Variants in JADE3 observed in about 807,000 individuals in gnomAD.
JADE3 encodes protein Jade-3.
In JADE3, 2 loss-of-function variants were observed where a neutral mutation model predicts 50.1. The observed-to-expected ratio is 0.04, with a 90% CI of 0.02 to 0.13. The LOEUF is 0.13. JADE3 is among the 10% of genes least tolerant of loss of function. The pLI, the probability that JADE3 is intolerant of heterozygous loss-of-function variation, is 1.00. For synonymous variants in JADE3, 218 were observed against 232.9 expected (o/e 0.94, Z 0.58); for missense variants, 475 against 634.4 (o/e 0.75, Z 2.70).
At chrX:46,986,132 C>G (rs73630248) in intron 3 of JADE3, among the ~76,000 whole-genome samples, 6,635 of 111,335 alleles carry the variant, frequency 0.06, 474 homozygotes, top group African/African-American at 0.2. Flanking sequence ...TACCAGCTGC[C>G]CAGTCTTGAA....
chrX:46,994,940 C>T (rs1307691014), intron 3 of JADE3, among the ~76,000 whole-genome samples: 3 of 111,282 alleles, frequency 2.7e-5, no homozygotes, highest in African/African-American at 9.8e-5. Context: ...TAAGTTGAGA[C>T]GCAGAATTTG....
intron 6 of JADE3, among the ~76,000 whole-genome samples, chrX:47,030,281 A>G (rs1366012242): frequency 2.7e-5 from 3 of 111,606 alleles, no homozygotes; most frequent in African/African-American, 9.8e-5. Flanking sequence ...CAAATGTAGC[A>G]TAATTATCTC....
intron 4 of JADE3, among the ~76,000 whole-genome samples, chrX:47,003,358 G>A (rs1201706308): frequency 9.1e-6 from 1 of 109,527 alleles, no homozygotes; most frequent in Non-Finnish European, 1.9e-5. Context: ...CCTTATTTAA[G>A]CTTAATTACC....
chrX:46,968,643 A>C (rs1164382372), intron 1 of JADE3, among the ~76,000 whole-genome samples: 1 of 111,735 alleles, frequency 8.9e-6, no homozygotes, highest in Non-Finnish European at 1.9e-5. Flanking sequence ...TGGAGTGGCT[A>C]TACTAATATC....
chrX:47,030,411 A>G (rs1343015470), intron 6 of JADE3, among the ~76,000 whole-genome samples: 1 of 111,966 alleles, frequency 8.9e-6, no homozygotes, highest in Non-Finnish European at 1.9e-5. Flanking sequence ...GTAAACTGGT[A>G]TGTATTAAAG....
intron 8 of JADE3, among the ~76,000 whole-genome samples, chrX:47,049,786 G>T (rs1461625262): frequency 1.1e-5 from 1 of 90,734 alleles, no homozygotes; most frequent in African/African-American, 4.1e-5. Flanking sequence ...TTTTGAGAGG[G>T]AGTCTCGCCC....
chrX:46,924,216 T>C (rs1257375158), intron 1 of JADE3, among the ~76,000 whole-genome samples: 1 of 111,931 alleles, frequency 8.9e-6, no homozygotes, highest in Non-Finnish European at 1.9e-5. Flanking sequence ...ATCTTCCCTG[T>C]GAGAGCCTGG....
At chrX:46,956,602 G>A (rs1008354044) in intron 1 of JADE3, among the ~76,000 whole-genome samples, 1 of 105,173 alleles carries the variant, frequency 9.5e-6, no homozygotes, top group African/African-American at 3.5e-5. Flanking sequence ...TCATGGCTCA[G>A]TGCAGCCTCG....
At position 46,965,694 on chromosome X, in the gene JADE3, A is replaced by T. The variant is rs1456128252; in HGVS notation, c.-11-19190A>T. On this transcript the variant is annotated intron_variant, in intron 1 of 10. Coordinates refer to ENST00000614628, the MANE Select transcript of JADE3 (RefSeq NM_014735.5). ...GAAGCAAGAAGAGGGTCCTCCTGGG[A>T]GAAGGGATGGTATAAAGCCTAGAGG... Among the ~76,000 whole-genome samples the T allele has an allele frequency of 3.6e-5, 4 of 111,665 alleles. No individual in the cohort carries two copies. The East Asian group carries it at 1.1e-3, about 31-fold the overall frequency.
intron 1 of JADE3, among the ~76,000 whole-genome samples, chrX:46,977,760 A>T (rs1368308029): frequency 1.8e-5 from 2 of 111,677 alleles, no homozygotes; most frequent in Non-Finnish European, 3.8e-5. Flanking sequence ...AGGAAGGAGC[A>T]GCCAGTTAGG....
intron 1 of JADE3, among the ~76,000 whole-genome samples, chrX:46,917,894 T>TCATC (rs1466273427): frequency 2.9e-5 from 3 of 103,634 alleles, no homozygotes; most frequent in Non-Finnish European, 5.9e-5. Flanking sequence ...TCATCCTCTC[T>TCATC]CTCTCTCATC....
chrX:47,049,674 G>A, intron 8 of JADE3, among the ~76,000 whole-genome samples: 1 of 104,763 alleles, frequency 9.5e-6, no homozygotes, highest in Non-Finnish European at 1.9e-5. Flanking sequence ...TTGAACTCCT[G>A]GACTGTAACA....
At chrX:47,025,444 A>G (rs1556365332) in intron 5 of JADE3, among the ~76,000 whole-genome samples, 1 of 112,463 alleles carries the variant, frequency 8.9e-6, no homozygotes. Flanking sequence ...TTGCAGGCCT[A>G]GAGCAAAACA....
intron 1 of JADE3, among the ~76,000 whole-genome samples, chrX:46,957,194 C>T (rs1225983879): frequency 9.7e-6 from 1 of 102,601 alleles, no homozygotes; most frequent in African/African-American, 3.6e-5. Flanking sequence ...ATCCTCCTCC[C>T]TCCTCAGTTT....
chrX:47,030,932 C>G lies in JADE3; in HGVS notation c.688-2689C>G, dbSNP rs1929005278. Among the ~76,000 whole-genome samples the G allele has an allele frequency of 2.7e-5, 3 of 109,906 alleles. No homozygotes were observed. In the Admixed American group the frequency reaches 2.9e-4, roughly 11 times the overall value. ...GGGTGTGGTGGCATGCACCTGTAGT[C>G]CCAGCTGCTCGGGAGGCTGAGGCAG... On this transcript the variant is annotated intron_variant, in intron 6 of 10. Coordinates refer to ENST00000614628, the MANE Select transcript of JADE3 (RefSeq NM_014735.5).
intron 4 of JADE3, among the ~76,000 whole-genome samples, chrX:47,001,616 G>A (rs1466182614): frequency 9.0e-6 from 1 of 111,373 alleles, no homozygotes; most frequent in Non-Finnish European, 1.9e-5. Context: ...CATTTTGCAT[G>A]GGTCAAACTA....
At chrX:46,948,353 A>G (rs1289766266) in intron 1 of JADE3, among the ~76,000 whole-genome samples, 3 of 112,388 alleles carry the variant, frequency 2.7e-5, no homozygotes, top group Non-Finnish European at 5.6e-5. Context: ...CCTTCTATTT[A>G]AAGGATGGTT....
chrX:46,990,171 T>C (rs1184624462), intron 3 of JADE3, among the ~76,000 whole-genome samples: 1 of 112,177 alleles, frequency 8.9e-6, no homozygotes, highest in Admixed American at 9.5e-5. Flanking sequence ...TTCTAACATC[T>C]GTGGATCTCA....
rs782770073 is a variant in JADE3 at position 47,058,559 on chromosome X, A to G, written c.1954A>G (p.Ile652Val). Residue 652 changes from isoleucine to valine, a missense_variant, in exon 11 of 11, where the codon ATT (isoleucine) becomes GTT (valine). Physicochemically the swap from Ile to Val is conservative, Grantham distance 29. Transcript: ENST00000614628. ...LQAALHGQSS[I>V]GNGKSQPNSK... ...GGCTGCCCTCCATGGACAGTCTTCC[A>G]TTGGGAATGGGAAAAGTCAGCCTAA... 5.8e-6 allele frequency: 7 copies of G among 1,209,271 alleles called. No individual in the cohort carries two copies. In the East Asian group the frequency reaches 2.1e-4, roughly 36 times the overall value.
Sources: gnomAD v4.1 joint callset for allele counts (sites outside exome capture counted in the v4.1 genomes callset) on GRCh38, gnomAD v4.1.1 for gene constraint, MANE v1.5 for transcripts, NCBI Gene and HGNC (gene_info 2026-07-23, HGNC 2026-07-21) for gene names.